LINGO2: variants seen among roughly 807,000 people sequenced by gnomAD.
LINGO2 encodes the protein leucine rich repeat and Ig domain containing 2.
Under a neutral mutation model 30.6 loss-of-function variants are expected in LINGO2, and 14 were observed. The ratio of observed to expected loss-of-function variants is 0.46; its 90% confidence interval spans 0.30 to 0.72. The LOEUF (loss-of-function observed/expected upper bound fraction) is 0.72. Ranked by LOEUF, LINGO2 falls within the 30% of genes least tolerant of loss-of-function variation. The pLI, the probability that LINGO2 is intolerant of heterozygous loss-of-function variation, is 0.07. For synonymous variants in LINGO2, 317 were observed against 288.5 expected (o/e 1.10, Z -1.00); for missense variants, 729 against 751.7 (o/e 0.97, Z 0.35).
intron 2 of LINGO2, among the ~76,000 whole-genome samples, chr9:28,416,969 CT>C (rs1822992771): frequency 6.6e-6 from 1 of 152,076 alleles, no homozygotes; most frequent in Admixed American, 6.6e-5. Flanking sequence ...TTTATATACC[CT>C]TACAGCCCTT....
At chr9:27,971,328 A>G (rs1468862306) in intron 5 of LINGO2, among the ~76,000 whole-genome samples, 1 of 151,984 alleles carries the variant, frequency 6.6e-6, no homozygotes, top group African/African-American at 2.4e-5. Flanking sequence ...AAGGTGGCCA[A>G]CATATTATAA....
chr9:28,706,841 G>T, the LINGO2 span, among the ~76,000 whole-genome samples: 1 of 152,004 alleles, frequency 6.6e-6, no homozygotes, highest in African/African-American at 2.4e-5. Flanking sequence ...TAGCCCTGAT[G>T]ATAGACCTGA....
rs181348938 is a variant in LINGO2, at chr9:28,248,800, G to A, written c.-87+46408C>T. Among the ~76,000 whole-genome samples, 5 of 152,206 alleles carry A rather than the reference G, an allele frequency of 3.3e-5. No homozygotes were observed. In the East Asian group the frequency reaches 9.7e-4, roughly 29 times the overall value. ...TCTAAAGTTTCTATGTTGATTCAAG[G>A]TAGATTTCTCATTTATAGAAAAGTT... is the stretch of plus-strand genomic sequence containing the variant. On this transcript the variant is annotated intron_variant, in intron 4 of 5. Transcript: ENST00000379992.
chr9:28,042,206 A>G (rs1004902248), intron 4 of LINGO2, among the ~76,000 whole-genome samples: 6 of 152,318 alleles, frequency 3.9e-5, no homozygotes, highest in South Asian at 2.1e-4. Context: ...CTTTCAATTT[A>G]AAACTCTGGT....
the LINGO2 span, among the ~76,000 whole-genome samples, chr9:29,116,117 T>A: frequency 3.0e-3 from 443 of 145,378 alleles, 3 homozygotes; most frequent in Middle Eastern, 0.011. Context: ...GACACAAAAA[T>A]ATGATTTAAT....
the LINGO2 span, among the ~76,000 whole-genome samples, chr9:28,765,758 C>T: frequency 9.9e-5 from 15 of 151,920 alleles, no homozygotes; most frequent in South Asian, 4.2e-4. Context: ...AATCATGAGC[C>T]GAATAAACCT....
intron 1 of LINGO2, chr9:28,598,833 G>T (rs1825331963): frequency 6.6e-6 from 1 of 152,188 alleles, no homozygotes; most frequent in South Asian, 2.1e-4. Flanking sequence ...CTTCACAGTT[G>T]TGTAGATGAT....
At chr9:29,184,272 C>T in the LINGO2 span, among the ~76,000 whole-genome samples, 1 of 150,898 alleles carries the variant, frequency 6.6e-6, no homozygotes, top group African/African-American at 2.4e-5. Context: ...AACTGTTCAT[C>T]ATAAAGAAAG....
the LINGO2 span, among the ~76,000 whole-genome samples, chr9:28,796,085 G>T: frequency 2.1e-5 from 3 of 140,140 alleles, no homozygotes; most frequent in South Asian, 4.8e-4. Context: ...ACTAAATAGT[G>T]CACAAAAAAA....
chr9:28,663,468 G>A (rs778743814), intron 1 of LINGO2, among the ~76,000 whole-genome samples: 15 of 152,134 alleles, frequency 9.9e-5, no homozygotes, highest in East Asian at 1.9e-4. Flanking sequence ...ACCGCATCCG[G>A]CCTGCAGTTG....
intron 4 of LINGO2, among the ~76,000 whole-genome samples, chr9:28,019,140 A>T (rs901493988): frequency 6.6e-6 from 1 of 152,088 alleles, no homozygotes; most frequent in African/African-American, 2.4e-5. Context: ...TGAAGATGGG[A>T]GGAGGGGCAC....
intron 1 of LINGO2, among the ~76,000 whole-genome samples, chr9:28,567,485 G>A (rs1823441569): frequency 6.6e-6 from 1 of 152,014 alleles, no homozygotes; most frequent in Non-Finnish European, 1.5e-5. Context: ...ACAAAATCAT[G>A]CCTTTTGCAG....
chr9:29,025,441 G>C, the LINGO2 span, among the ~76,000 whole-genome samples: 2 of 152,070 alleles, frequency 1.3e-5, no homozygotes, highest in South Asian at 4.1e-4. Context: ...AGGTTCCCAA[G>C]TTACATCTAT....
At chr9:28,854,286 A>G in the LINGO2 span, among the ~76,000 whole-genome samples, 307 of 152,144 alleles carry the variant, frequency 2.0e-3, 3 homozygotes, top group African/African-American at 6.9e-3. Flanking sequence ...CATAAGCACA[A>G]TTTGAATGCT....
chr9:28,391,534 G>A (rs1445023656), intron 2 of LINGO2, among the ~76,000 whole-genome samples: 2 of 151,684 alleles, frequency 1.3e-5, no homozygotes, highest in African/African-American at 2.4e-5. Flanking sequence ...CCTGTCTAAC[G>A]GCCTTATTAT....
chr9:28,521,164 T>C (rs904643385), intron 1 of LINGO2, among the ~76,000 whole-genome samples: 1 of 152,188 alleles, frequency 6.6e-6, no homozygotes, highest in South Asian at 2.1e-4. Context: ...TCTTTTGACA[T>C]GTCTTAATAA....
the LINGO2 span, among the ~76,000 whole-genome samples, chr9:28,976,010 G>T: frequency 1.3e-5 from 2 of 152,068 alleles, no homozygotes; most frequent in South Asian, 2.1e-4. Context: ...TTTTTCAGTT[G>T]TCTTTCTTCC....
intron 1 of LINGO2, among the ~76,000 whole-genome samples, chr9:28,544,105 A>T (rs2135473680): frequency 6.6e-6 from 1 of 152,116 alleles, no homozygotes; most frequent in Admixed American, 6.6e-5. Context: ...CTGGAAGCTG[A>T]GGCACAAGTA....
At chr9:28,106,302 C>T (rs1826591132) in intron 4 of LINGO2, among the ~76,000 whole-genome samples, 1 of 152,194 alleles carries the variant, frequency 6.6e-6, no homozygotes, top group South Asian at 2.1e-4. Flanking sequence ...AAGGAAGACC[C>T]ACACAATTTA....
Sources: gnomAD v4.1 joint callset for allele counts (sites outside exome capture counted in the v4.1 genomes callset) on GRCh38, gnomAD v4.1.1 for gene constraint, MANE v1.5 for transcripts, NCBI Gene and HGNC (gene_info 2026-07-23, HGNC 2026-07-21) for gene names.